Variants in EXOSC4 observed in about 807,000 individuals in gnomAD.
The protein encoded by EXOSC4 is exosome component 4.
Under a neutral mutation model 20.0 loss-of-function variants are expected in EXOSC4, and 14 were observed. The ratio of observed to expected loss-of-function variants is 0.70; its 90% CI spans 0.46 to 1.09. EXOSC4 has a LOEUF of 1.09. Ranked by LOEUF, EXOSC4 falls within the 50% of genes least tolerant of loss-of-function variation. The probability of loss-of-function intolerance (pLI) is 0.00; values close to 1 mark genes in which losing one functional copy is unlikely to be tolerated. For missense variants in EXOSC4, 337 were observed against 334.0 expected (o/e 1.01, Z -0.07); for synonymous variants, 148 against 146.4 (o/e 1.01, Z -0.08).
upstream of EXOSC4, chr8:144,077,982 C>A (rs1305432982): frequency 2.6e-5 from 4 of 152,238 alleles, no homozygotes; most frequent in Non-Finnish European, 4.4e-5. Flanking sequence ...GCCTAGATAA[C>A]CCCAGATTGC....
At chr8:144,068,610 T>C in the EXOSC4 span, among the ~76,000 whole-genome samples, 2 of 152,176 alleles carry the variant, frequency 1.3e-5, no homozygotes, top group African/African-American at 4.8e-5. Context: ...ACTTTGGAAA[T>C]TGACCAAGGG....
In EXOSC4 at chr8:144,080,252, C is replaced by T. The variant is rs1835884934; in HGVS notation, c.389C>T (p.Ala130Val). 6.2e-7 allele frequency: 1 copy of T among 1,613,076 alleles called. No individual in the cohort carries two copies. Among genetic ancestry groups the T allele is most frequent in the South Asian group, 1.1e-5 (1 of 91,064 alleles). Residue 130 changes from alanine to valine, a missense_variant, in exon 3 of 3, where the codon GCA becomes GTA. Transcript: ENST00000316052. This position sits in a 1 kb window ranked among gnomAD's most constrained non-coding sequence, Gnocchi z 4.9. ...QIDIYVQVLQ[A>V]DGGTYAACVN... is the part of the protein sequence containing the mutation. ...CTGGGTTCCCTGCAGGTGCTACAGG[C>T]AGATGGTGGGACCTATGCAGCTTGT...
upstream of EXOSC4, among the ~76,000 whole-genome samples, chr8:144,077,221 G>C (rs1436826819): frequency 1.3e-5 from 2 of 152,178 alleles, no homozygotes; most frequent in East Asian, 1.9e-4. Context: ...CTCTAGCCTG[G>C]GTGCAGAGTA....
chr8:144,065,555 C>G, the EXOSC4 span, among the ~76,000 whole-genome samples: 1 of 151,900 alleles, frequency 6.6e-6, no homozygotes, highest in Non-Finnish European at 1.5e-5. Flanking sequence ...ATGGTGAAAC[C>G]CCATCTCTAC....
the EXOSC4 span, among the ~76,000 whole-genome samples, chr8:144,066,436 CTTTTTT>C: frequency 1.1e-4 from 11 of 98,076 alleles, no homozygotes; most frequent in Non-Finnish European, 2.1e-4. Context: ...GAGTTTTTCT[CTTTTTT>C]TTTTTTTTTT....
the EXOSC4 span, among the ~76,000 whole-genome samples, chr8:144,064,690 A>AG: frequency 6.5e-3 from 989 of 152,326 alleles, 7 homozygotes; most frequent in African/African-American, 0.023. Flanking sequence ...ACCTCAAGGA[A>AG]GGGGATGGGC....
At chr8:144,073,823 C>T (rs897294372), upstream of EXOSC4, among the ~76,000 whole-genome samples, 4 of 152,144 alleles carry the variant, frequency 2.6e-5, no homozygotes, top group Admixed American at 2.6e-4. Context: ...TGCACTCTAG[C>T]CTGGGTGACA....
chr8:144,077,666 A>G (rs782600222), upstream of EXOSC4, among the ~76,000 whole-genome samples: 1 of 152,244 alleles, frequency 6.6e-6, no homozygotes, highest in Non-Finnish European at 1.5e-5. Context: ...CTTGACCCAC[A>G]GAGTGTGGCA....
At chr8:144,070,307 C>T in the EXOSC4 span, among the ~76,000 whole-genome samples, 94 of 152,020 alleles carry the variant, frequency 6.2e-4, no homozygotes, top group African/African-American at 2.1e-3. Flanking sequence ...GGGTGGATCA[C>T]GAGGTCAGGA....
At chr8:144,066,947 C>T in the EXOSC4 span, among the ~76,000 whole-genome samples, 1 of 152,026 alleles carries the variant, frequency 6.6e-6, no homozygotes, top group African/African-American at 2.4e-5. Flanking sequence ...ATTAGCCAGG[C>T]GTGGTGGTGC....
At chr8:144,070,369 C>A in the EXOSC4 span, among the ~76,000 whole-genome samples, 1 of 151,838 alleles carries the variant, frequency 6.6e-6, no homozygotes, top group Non-Finnish European at 1.5e-5. Flanking sequence ...AATAAAAATA[C>A]AAAATTGCGC....
At chr8:144,064,703 G>C in the EXOSC4 span, among the ~76,000 whole-genome samples, 2 of 152,344 alleles carry the variant, frequency 1.3e-5, no homozygotes, top group South Asian at 4.1e-4. Flanking sequence ...GGATGGGCCA[G>C]GCGGCCCACC....
At chr8:144,073,060 C>G in the EXOSC4 span, among the ~76,000 whole-genome samples, 2 of 152,220 alleles carry the variant, frequency 1.3e-5, no homozygotes, top group African/African-American at 2.4e-5. Context: ...CTACTGACTG[C>G]TGAATGTCCA....
chr8:144,067,688 A>G, the EXOSC4 span, among the ~76,000 whole-genome samples: 1 of 152,256 alleles, frequency 6.6e-6, no homozygotes, highest in Non-Finnish European at 1.5e-5. Context: ...AAGGTGAAAT[A>G]AAGACAGTTC....
intron 1 of EXOSC4, 139 bp downstream of exon 1, chr8:144,079,038 C>A: frequency 9.7e-7 from 1 of 1,031,390 alleles, no homozygotes; most frequent in Non-Finnish European, 1.3e-6. Context: ...CCGCATCTCA[C>A]TCGGAGTAAA....
At chr8:144,074,447 C>T (rs1219012916), upstream of EXOSC4, among the ~76,000 whole-genome samples, 1 of 152,174 alleles carries the variant, frequency 6.6e-6, no homozygotes, top group East Asian at 1.9e-4. Context: ...CCCTCGGCTG[C>T]ATGTCATGAC....
At chr8:144,067,315 T>G in the EXOSC4 span, among the ~76,000 whole-genome samples, 1 of 152,168 alleles carries the variant, frequency 6.6e-6, no homozygotes, top group African/African-American at 2.4e-5. Flanking sequence ...GAGATGGTTT[T>G]GGGTGAGCCT....
At chr8:144,079,439 G>T (rs781959183) in intron 1 of EXOSC4, 24 of 325,188 alleles carry the variant, frequency 7.4e-5, no homozygotes, top group Non-Finnish European at 1.3e-4. Flanking sequence ...GCGCATGAGT[G>T]TGGGAGCTCT....
At chr8:144,065,036 G>A in the EXOSC4 span, among the ~76,000 whole-genome samples, 2 of 151,666 alleles carry the variant, frequency 1.3e-5, no homozygotes, top group Non-Finnish European at 2.9e-5. Context: ...TAGTAGAGTC[G>A]GGGTTTCACT....
Sources: allele counts gnomAD v4.1 joint callset (sites outside exome capture counted in the v4.1 genomes callset), GRCh38; gene constraint gnomAD v4.1.1; non-coding constraint Gnocchi (gnomAD v3.1); transcripts MANE v1.5; gene names NCBI Gene and HGNC (gene_info 2026-07-23, HGNC 2026-07-21).